The following SEMA6D variants were observed in gnomAD, a reference collection of about 807,000 sequenced individuals.
The protein encoded by SEMA6D is semaphorin-6D.
In SEMA6D, 35 loss-of-function variants were observed where a neutral mutation model predicts 106.6. That is an observed-to-expected ratio of 0.33 (90% CI 0.25 to 0.44). The LOEUF (loss-of-function observed/expected upper bound fraction) is 0.44. Ranked by LOEUF, SEMA6D falls within the 20% of genes least tolerant of loss-of-function variation. The pLI, the probability that SEMA6D is intolerant of heterozygous loss-of-function variation, is 1.00. For synonymous variants in SEMA6D, 499 were observed against 487.7 expected (o/e 1.02, Z -0.31); for missense variants, 1,185 against 1,345.9 (o/e 0.88, Z 1.87).
At position 47,291,741 on chromosome 15, in the gene SEMA6D, T is replaced by C. The variant is rs2035601522; in HGVS notation, c.-239+107323T>C. 1.3e-5 allele frequency among the ~76,000 whole-genome samples: 2 copies of C among 152,244 alleles called. 1 individual carries two copies. The highest frequency in any genetic ancestry group is 4.1e-4 in the South Asian group (2 of 4,836). On this transcript the variant is annotated intron_variant, in intron 1 of 19. Coordinates refer to the SEMA6D transcript ENST00000558014. Reference sequence around the variant, plus strand: ...CTAGCACTCATATCTTCAACATTATTACAGAAAGTTATTTTTATCATCATA... The same window carrying C: ...CTAGCACTCATATCTTCAACATTATCACAGAAAGTTATTTTTATCATCATA...
intron 2 of SEMA6D, among the ~76,000 whole-genome samples, chr15:47,461,667 A>G (rs947118438): frequency 3.9e-5 from 6 of 152,060 alleles, no homozygotes; most frequent in African/African-American, 1.2e-4. Context: ...TGGAAATTTA[A>G]TTGCTTTCTG....
intron 1 of SEMA6D, among the ~76,000 whole-genome samples, chr15:47,358,646 T>G (rs1363978956): frequency 1.3e-5 from 2 of 152,110 alleles, no homozygotes; most frequent in Non-Finnish European, 2.9e-5. Context: ...GGCGACCACC[T>G]TGCTGTGATT....
chr15:47,219,386 CA>C (rs1350714178), intron 1 of SEMA6D, among the ~76,000 whole-genome samples: 1 of 152,186 alleles, frequency 6.6e-6, no homozygotes, highest in Non-Finnish European at 1.5e-5. Context: ...ATTTCTCTAA[CA>C]TGGCTAAATA....
intron 1 of SEMA6D, among the ~76,000 whole-genome samples, chr15:47,757,070 G>T (rs865787067): frequency 2.0e-5 from 3 of 152,060 alleles, no homozygotes; most frequent in African/African-American, 7.2e-5. Flanking sequence ...CCAGCAGCTT[G>T]GTGCTTGCTA....
chr15:47,452,687 G>T (rs1325215933), intron 2 of SEMA6D, among the ~76,000 whole-genome samples: 3 of 151,790 alleles, frequency 2.0e-5, no homozygotes, highest in Non-Finnish European at 4.4e-5. Flanking sequence ...ATGATTATGT[G>T]ATTGAGTATG....
intron 3 of SEMA6D, among the ~76,000 whole-genome samples, chr15:47,574,571 T>C (rs1175025759): frequency 6.6e-6 from 1 of 152,168 alleles, no homozygotes; most frequent in East Asian, 1.9e-4. Context: ...ACAAGTAAAA[T>C]GCTGAGAAAT....
chr15:47,742,005 C>T (rs1211505659), intron 1 of SEMA6D, among the ~76,000 whole-genome samples: 1 of 152,064 alleles, frequency 6.6e-6, no homozygotes, highest in Admixed American at 6.6e-5. Flanking sequence ...CTAAGGATGA[C>T]TAGGAATTTG....
At chr15:47,258,445 T>A (rs1040238792) in intron 1 of SEMA6D, among the ~76,000 whole-genome samples, 4 of 152,188 alleles carry the variant, frequency 2.6e-5, no homozygotes, top group African/African-American at 9.7e-5. Context: ...ATACTTGTCA[T>A]GTGTACAGGC....
intron 3 of SEMA6D, among the ~76,000 whole-genome samples, chr15:47,600,039 C>A (rs112336742): frequency 0.012 from 1,768 of 152,048 alleles, 39 homozygotes; most frequent in African/African-American, 0.041. Context: ...GAGTATCGGT[C>A]AACCATAGCA....
chr15:47,721,884 TC>T (rs1320237943), intron 1 of SEMA6D, among the ~76,000 whole-genome samples: 1 of 152,078 alleles, frequency 6.6e-6, no homozygotes, highest in Non-Finnish European at 1.5e-5. Flanking sequence ...TCATCCATCA[TC>T]CTGTCCTTGG....
chr15:47,345,046 T>C (rs1450810097), intron 1 of SEMA6D, among the ~76,000 whole-genome samples: 2 of 152,164 alleles, frequency 1.3e-5, no homozygotes, highest in Non-Finnish European at 2.9e-5. Context: ...TGATAAAAAC[T>C]ACAAAATATT....
chr15:47,748,149 G>A (rs2081246155), intron 1 of SEMA6D, among the ~76,000 whole-genome samples: 1 of 152,186 alleles, frequency 6.6e-6, no homozygotes, highest in Non-Finnish European at 1.5e-5. Flanking sequence ...GCCTTTTATA[G>A]AGAACCTCTT....
chr15:47,621,828 A>C (rs1198812673), intron 4 of SEMA6D, among the ~76,000 whole-genome samples: 1 of 152,206 alleles, frequency 6.6e-6, no homozygotes, highest in Non-Finnish European at 1.5e-5. Context: ...TGTTGTTATA[A>C]AGAGCTACCA....
At chr15:47,194,103 ATGGATGGG>A (rs1372774633) in intron 1 of SEMA6D, among the ~76,000 whole-genome samples, 6 of 150,862 alleles carry the variant, frequency 4.0e-5, no homozygotes, top group Admixed American at 6.6e-5. Context: ...GGGTGGATGG[ATGGATGGG>A]TGGATGGGTG....
intron 1 of SEMA6D, among the ~76,000 whole-genome samples, chr15:47,410,488 C>G (rs934960960): frequency 1.3e-5 from 2 of 152,176 alleles, no homozygotes; most frequent in Non-Finnish European, 2.9e-5. Context: ...TGTTGTTCCT[C>G]TTACAAATAC....
chr15:47,275,855 C>G (rs1280492505), intron 1 of SEMA6D, among the ~76,000 whole-genome samples: 2 of 152,104 alleles, frequency 1.3e-5, no homozygotes, highest in South Asian at 4.1e-4. Context: ...AGGCCGAAAG[C>G]AAGGCCTCTT....
chr15:47,262,680 A>T (rs1292762668), intron 1 of SEMA6D, among the ~76,000 whole-genome samples: 1 of 152,172 alleles, frequency 6.6e-6, no homozygotes, highest in African/African-American at 2.4e-5. Context: ...CATTCTTCAC[A>T]GAACTGGAGA....
At chr15:47,448,375 CT>C (rs11337890) in intron 2 of SEMA6D, among the ~76,000 whole-genome samples, 73,075 of 151,830 alleles carry the variant, frequency 0.48, 18,948 homozygotes, top group African/African-American at 0.69. Context: ...TCTTGTGAGG[CT>C]TCAGTGATTT....
At chr15:47,769,192 G>C (rs2082501772) in intron 18 of SEMA6D, among the ~76,000 whole-genome samples, 1 of 152,170 alleles carries the variant, frequency 6.6e-6, no homozygotes, top group Non-Finnish European at 1.5e-5. Flanking sequence ...ATGCTAAGTT[G>C]CTTGAATGCC....
Sources: allele counts gnomAD v4.1 joint callset (sites outside exome capture counted in the v4.1 genomes callset), GRCh38; gene constraint gnomAD v4.1.1; transcripts MANE v1.5; gene names NCBI Gene and HGNC (gene_info 2026-07-23, HGNC 2026-07-21).